FOXP2: variants seen among roughly 807,000 people sequenced by gnomAD.
The protein encoded by FOXP2 is forkhead box P2, also known as forkhead box protein P2.
FOXP2 carries 12 observed loss-of-function variants against 115.8 expected under a neutral mutation model. The ratio of observed to expected loss-of-function variants is 0.10; its 90% confidence interval spans 0.07 to 0.17. FOXP2 has a LOEUF of 0.17. FOXP2 is among the 10% of genes least tolerant of loss of function. FOXP2 has a pLI of 1.00. For missense variants in FOXP2, 629 were observed against 843.5 expected, an observed-to-expected ratio of 0.75 and a Z score of 3.15; for synonymous variants, 328 against 297.7, an observed-to-expected ratio of 1.10 and a Z score of -1.05.
chr7:114,375,729 A>G (rs1027729560), intron 2 of FOXP2, among the ~76,000 whole-genome samples: 7 of 152,040 alleles, frequency 4.6e-5, no homozygotes, highest in Admixed American at 1.3e-4. Flanking sequence ...CTCTCTCCCA[A>G]TGTGATCTCT....
chr7:114,316,315 C>G (rs1462735291), intron 2 of FOXP2, among the ~76,000 whole-genome samples: 3 of 152,144 alleles, frequency 2.0e-5, no homozygotes, highest in Non-Finnish European at 4.4e-5. Flanking sequence ...TCAAAATATA[C>G]ATTACTCTAA....
intron 6 of FOXP2, among the ~76,000 whole-genome samples, chr7:114,640,932 G>A (rs1805491502): frequency 2.0e-5 from 3 of 152,016 alleles, no homozygotes; most frequent in South Asian, 4.1e-4. Flanking sequence ...TCTAACCTCA[G>A]GTGAGGTTAA....
intron 1 of FOXP2, among the ~76,000 whole-genome samples, chr7:114,171,856 TGTG>T (rs748402387): frequency 6.6e-6 from 1 of 152,156 alleles, no homozygotes; most frequent in Non-Finnish European, 1.5e-5. Flanking sequence ...GTTCATGAAA[TGTG>T]GTCAAAATAT....
At chr7:114,222,145 A>T (rs1794640053) in intron 1 of FOXP2, among the ~76,000 whole-genome samples, 1 of 152,080 alleles carries the variant, frequency 6.6e-6, no homozygotes, top group African/African-American at 2.4e-5. Context: ...GTTGTTTCTG[A>T]TACTTTATGT....
intron 3 of FOXP2, among the ~76,000 whole-genome samples, chr7:114,604,548 A>G (rs1803207411): frequency 1.3e-5 from 2 of 152,226 alleles, no homozygotes; most frequent in Non-Finnish European, 2.9e-5. Flanking sequence ...ATTTCAAAAT[A>G]GAAAATTCAT....
chr7:114,246,153 T>C (rs147587766), intron 1 of FOXP2, among the ~76,000 whole-genome samples: 2 of 152,258 alleles, frequency 1.3e-5, no homozygotes, highest in East Asian at 3.9e-4. Context: ...AACAAGCTAA[T>C]TGGAGAGACT....
intron 2 of FOXP2, among the ~76,000 whole-genome samples, chr7:114,313,845 C>T (rs901118416): frequency 6.6e-6 from 1 of 151,532 alleles, no homozygotes; most frequent in African/African-American, 2.4e-5. Context: ...AATTCTAACA[C>T]ATATCACCTG....
chr7:114,610,816 T>G (rs1295846535), intron 3 of FOXP2, among the ~76,000 whole-genome samples: 1 of 151,182 alleles, frequency 6.6e-6, no homozygotes, highest in Non-Finnish European at 1.5e-5. Context: ...TTTTTTTTGG[T>G]AGAGATGGGG....
intron 3 of FOXP2, among the ~76,000 whole-genome samples, chr7:114,534,921 C>CA (rs1438983511): frequency 6.6e-6 from 1 of 151,638 alleles, no homozygotes; most frequent in African/African-American, 2.4e-5. Flanking sequence ...TAACTCCTTG[C>CA]AAAAAATACA....
chr7:114,472,108 C>T (rs753051031), intron 2 of FOXP2, among the ~76,000 whole-genome samples: 72 of 152,062 alleles, frequency 4.7e-4, no homozygotes, highest in Non-Finnish European at 9.6e-4. Context: ...TGGGATATGA[C>T]TAGCTGAAAG....
intron 2 of FOXP2, among the ~76,000 whole-genome samples, chr7:114,455,707 C>A (rs1471932433): frequency 6.6e-6 from 1 of 152,204 alleles, no homozygotes; most frequent in Non-Finnish European, 1.5e-5. Context: ...TACTTCCTTA[C>A]ACACAATTAA....
At chr7:114,661,815 A>G (rs1053377150) in intron 13 of FOXP2, 5 of 444,168 alleles carry the variant, frequency 1.1e-5, no homozygotes, top group African/African-American at 8.0e-5. Context: ...GACCAGTTCA[A>G]TGAAAGGAAG....
intron 2 of FOXP2, among the ~76,000 whole-genome samples, chr7:114,496,826 A>G (rs1797343152): frequency 6.6e-6 from 1 of 152,182 alleles, no homozygotes; most frequent in Admixed American, 6.5e-5. Context: ...GTATATATGT[A>G]GTATTTACCT....
At chr7:114,450,839 A>T (rs1042676182) in intron 2 of FOXP2, among the ~76,000 whole-genome samples, 1 of 152,126 alleles carries the variant, frequency 6.6e-6, no homozygotes, top group East Asian at 1.9e-4. Flanking sequence ...TTTTTAAAAG[A>T]ACAAAATATT....
chr7:114,481,764 CT>C (rs1338214094), intron 2 of FOXP2, among the ~76,000 whole-genome samples: 1 of 67,364 alleles, frequency 1.5e-5, no homozygotes, highest in Non-Finnish European at 3.0e-5. Flanking sequence ...TATGGAAACT[CT>C]ATCTATCTAT....
intron 3 of FOXP2, among the ~76,000 whole-genome samples, chr7:114,627,937 C>CAT (rs1429769742): frequency 6.7e-4 from 101 of 151,680 alleles, no homozygotes; most frequent in African/African-American, 2.3e-3. Flanking sequence ...GACACACACA[C>CAT]ACATATATAT....
intron 1 of FOXP2, among the ~76,000 whole-genome samples, chr7:114,172,517 G>A (rs1032015151): frequency 7.2e-5 from 11 of 152,130 alleles, no homozygotes; most frequent in African/African-American, 2.4e-4. Flanking sequence ...TTAGTTAATG[G>A]TAATGTATCA....
intron 16 of FOXP2, among the ~76,000 whole-genome samples, chr7:114,680,677 G>A (rs112100238): frequency 2.7e-4 from 41 of 151,862 alleles, no homozygotes; most frequent in African/African-American, 8.2e-4. Context: ...CCGGGAAGGC[G>A]GAGGTTGCAG....
chr7:114,220,905 A>C (rs532861036), intron 1 of FOXP2, among the ~76,000 whole-genome samples: 49 of 152,290 alleles, frequency 3.2e-4, no homozygotes, highest in Non-Finnish European at 6.6e-4. Context: ...TCTAAATTCT[A>C]AATAAAATTG....
Sources: allele counts gnomAD v4.1 joint callset (sites outside exome capture counted in the v4.1 genomes callset), GRCh38; gene constraint gnomAD v4.1.1; transcripts MANE v1.5; gene names NCBI Gene and HGNC (gene_info 2026-07-23, HGNC 2026-07-21).